FAM118B: variants seen among roughly 807,000 people sequenced by gnomAD.
The protein encoded by FAM118B is SIR2 antiphage like 1.
Under a neutral mutation model 38.5 loss-of-function variants are expected in FAM118B, and 24 were observed. The ratio of observed to expected loss-of-function variants is 0.62; its 90% confidence interval spans 0.45 to 0.88. The LOEUF is 0.88. FAM118B is among the 40% of genes least tolerant of loss of function. The pLI is 0.00. For synonymous variants in FAM118B, 138 were observed against 156.3 expected (o/e 0.88, Z 0.87); for missense variants, 334 against 420.0 (o/e 0.80, Z 1.79).
intron 2 of FAM118B, among the ~76,000 whole-genome samples, chr11:126,232,145 A>G (rs1950214477): frequency 6.6e-6 from 1 of 152,140 alleles, no homozygotes; most frequent in African/African-American, 2.4e-5. Context: ...TTGGATTTCT[A>G]GGGGATTTTT....
At chr11:126,216,080 A>G (rs1424100798) in intron 1 of FAM118B, among the ~76,000 whole-genome samples, 1 of 152,154 alleles carries the variant, frequency 6.6e-6, no homozygotes, top group East Asian at 1.9e-4. Flanking sequence ...TTGGAATTAA[A>G]AAACAGTTTC....
rs1482066883 is a variant in FAM118B, at chr11:126,255,760, C to G, written c.697-807C>G. On this transcript the variant is annotated intron_variant, in intron 6 of 8. Transcript: ENST00000533050. This position sits in a 1 kb window ranked among gnomAD's most constrained non-coding sequence, Gnocchi z 4.6. ...ATGAGGTCAGGAGTTCCAGACCAGC[C>G]TGGCCAACATGGTGAAACCCTGTCT... Among the ~76,000 whole-genome samples the G allele has an allele frequency of 6.6e-6, 1 of 152,028 alleles. No individual in the cohort carries two copies. Among genetic ancestry groups the G allele is most frequent in the African/African-American group, 2.4e-5 (1 of 41,386 alleles).
chr11:126,227,392 C>G (rs548433390), intron 1 of FAM118B, among the ~76,000 whole-genome samples: 1 of 152,190 alleles, frequency 6.6e-6, no homozygotes, highest in South Asian at 2.1e-4. Context: ...TTCTTTAGTT[C>G]CTACTCTGAT....
Position 126,235,952 on chromosome 11 carries a change from T to C in FAM118B, c.86+865T>C, listed in dbSNP as rs138466178. Among the ~76,000 whole-genome samples, 639 of 152,334 alleles carry C rather than the reference T, an allele frequency of 4.2e-3. 5 individuals are homozygous for C. The highest frequency in any genetic ancestry group is 0.015 in the African/African-American group (608 of 41,570). ...TTATGTCATTAAAGACTGTCTTTTT[T>C]GTTTGTTTGTTTGCTTTCAATGTAT... On this transcript the variant is annotated intron_variant, in intron 3 of 8. Transcript: ENST00000533050.
chr11:126,260,172 A>G (rs1028874003), intron 7 of FAM118B, among the ~76,000 whole-genome samples: 2 of 152,050 alleles, frequency 1.3e-5, no homozygotes, highest in African/African-American at 4.8e-5. Context: ...AGCTGAGACT[A>G]AAGGCACATA....
intron 7 of FAM118B, among the ~76,000 whole-genome samples, chr11:126,260,044 A>G (rs184758673): frequency 1.1e-3 from 173 of 151,558 alleles, no homozygotes; most frequent in African/African-American, 3.9e-3. Flanking sequence ...TATTATTACT[A>G]TTTTTGATAC....
At position 126,256,717 on chromosome 11, in the gene FAM118B, G is replaced by T; in HGVS notation, c.847G>T (p.Val283Leu). 1 of 1,614,166 alleles carries T rather than the reference G, an allele frequency of 6.2e-7. No individual in the cohort carries two copies. Among genetic ancestry groups the T allele is most frequent in the Non-Finnish European group, 8.5e-7 (1 of 1,180,040 alleles). The change falls in exon 7 of 9, where the codon GTA (valine) becomes TTA (leucine). Residue 283 changes from valine to leucine, a missense_variant. By Grantham distance (32) the Val-to-Leu change is conservative. Around this residue, in one of 3 missense-constraint regions of FAM118B, gnomAD observed 88 missense variants for 98.1 expected, o/e 0.90. Transcript: ENST00000533050. This position sits in a 1 kb window ranked among gnomAD's most constrained non-coding sequence, Gnocchi z 6.6. Reference sequence around the variant, plus strand: ...TTTCATGCTGGTTCGGAGAGGAGACGTAGATGAGTTCAAAAAGCTTCGAGA... The same window carrying T: ...TTTCATGCTGGTTCGGAGAGGAGACTTAGATGAGTTCAAAAAGCTTCGAGA... ...EHFMLVRRGD[V>L]DEFKKLRENM...
chr11:126,251,202 C>T (rs911324634), intron 5 of FAM118B, among the ~76,000 whole-genome samples: 3 of 152,194 alleles, frequency 2.0e-5, no homozygotes, highest in African/African-American at 7.2e-5. Context: ...TTTGTTTTAG[C>T]ATAGTCTATA....
At chr11:126,227,392 C>T (rs548433390) in intron 1 of FAM118B, among the ~76,000 whole-genome samples, 1 of 152,074 alleles carries the variant, frequency 6.6e-6, no homozygotes, top group African/African-American at 2.4e-5. Flanking sequence ...TTCTTTAGTT[C>T]CTACTCTGAT....
At chr11:126,227,003 T>C (rs113647793) in intron 1 of FAM118B, among the ~76,000 whole-genome samples, 7 of 149,250 alleles carry the variant, frequency 4.7e-5, no homozygotes, top group Admixed American at 2.0e-4. Flanking sequence ...ATTTATTAAC[T>C]ATTGAATGAT....
At chr11:126,214,939 G>A (rs588361) in intron 1 of FAM118B, among the ~76,000 whole-genome samples, 81,263 of 152,022 alleles carry the variant, frequency 0.53, 22,821 homozygotes, top group East Asian at 0.87. Context: ...GTTAAGTTAC[G>A]CCTCCTCAAA....
chr11:126,238,119 TG>T (rs1417932691), intron 3 of FAM118B, among the ~76,000 whole-genome samples: 1 of 152,108 alleles, frequency 6.6e-6, no homozygotes, highest in African/African-American at 2.4e-5. Flanking sequence ...CCCAGCACTT[TG>T]GGAGGCCAAG....
rs548201546 is a variant in FAM118B, at chr11:126,258,428, G to C, written c.982+1576G>C. Reference sequence around the variant, plus strand: ...CAGGTAATTTAATAAACATAAAGCAGTTTTCCTAAATCAAATCATCCCCAG... The same window carrying C: ...CAGGTAATTTAATAAACATAAAGCACTTTTCCTAAATCAAATCATCCCCAG... On this transcript the variant is annotated intron_variant, in intron 7 of 8. Transcript: ENST00000533050. Among the ~76,000 whole-genome samples, 3 of 152,288 alleles carry C rather than the reference G, an allele frequency of 2.0e-5. No homozygotes were observed. The South Asian group carries it at 6.2e-4, about 32-fold the overall frequency.
chr11:126,222,259 G>A (rs1950073476), intron 1 of FAM118B, among the ~76,000 whole-genome samples: 2 of 152,352 alleles, frequency 1.3e-5, no homozygotes, highest in East Asian at 3.9e-4. Flanking sequence ...CTGGCTTACT[G>A]TCAATGCTAT....
intron 4 of FAM118B, among the ~76,000 whole-genome samples, chr11:126,247,853 A>G (rs1216131436): frequency 7.6e-6 from 1 of 131,848 alleles, no homozygotes; most frequent in East Asian, 3.5e-4. Flanking sequence ...TCGAGACTCC[A>G]TCTCAAAAAA....
At chr11:126,223,815 G>A (rs949374532) in intron 1 of FAM118B, among the ~76,000 whole-genome samples, 1 of 152,172 alleles carries the variant, frequency 6.6e-6, no homozygotes, top group Non-Finnish European at 1.5e-5. Context: ...TATATAAAAT[G>A]TTTTGGTGCC....
intron 8 of FAM118B, among the ~76,000 whole-genome samples, chr11:126,261,762 G>A (rs1175416403): frequency 6.6e-6 from 1 of 152,190 alleles, no homozygotes; most frequent in Non-Finnish European, 1.5e-5. Context: ...GCTGAGGCAG[G>A]AGGATTGCTT....
intron 8 of FAM118B, among the ~76,000 whole-genome samples, 190 bp from the exon 9 acceptor site, chr11:126,261,930 C>T (rs1950709654): frequency 6.6e-6 from 1 of 152,156 alleles, no homozygotes; most frequent in Admixed American, 6.5e-5. Context: ...GATTGTGCCA[C>T]TGCATTTGAG....
At position 126,261,437 on chromosome 11, in the gene FAM118B, GAGA is replaced by G. The variant is rs768687287; in HGVS notation, c.998_1000del (p.Glu333del). The G allele has an allele frequency of 2.8e-4, 451 of 1,613,982 alleles. No individual in the cohort carries two copies. The highest frequency in any genetic ancestry group is 3.6e-4 in the Non-Finnish European group (426 of 1,179,870). The stretch of plus-strand genomic sequence containing the variant: ...GTCCTCTATTTAGCAGGGATGGTGA[GAGA>G]AGGTCAGCTAAATGGCTCATCTGCA... On this transcript the variant is annotated inframe_deletion, in exon 8 of 9. Coordinates refer to ENST00000533050, the MANE Select transcript of FAM118B (RefSeq NM_024556.4).
Sources: gnomAD v4.1 joint callset for allele counts (sites outside exome capture counted in the v4.1 genomes callset) on GRCh38, gnomAD v4.1.1 for gene constraint, gnomAD v4.1.1 regional missense constraint, Gnocchi (gnomAD v3.1) non-coding constraint, MANE v1.5 for transcripts, NCBI Gene and HGNC (gene_info 2026-07-23, HGNC 2026-07-21) for gene names.